LRP1B: variants seen among roughly 807,000 people sequenced by gnomAD.
LRP1B encodes the protein low-density lipoprotein receptor-related protein 1B.
Under a neutral mutation model 556.6 loss-of-function variants are expected in LRP1B, and 217 were observed. That is an observed-to-expected ratio of 0.39 (90% CI 0.35 to 0.44). LRP1B has a LOEUF of 0.44. Ranked by LOEUF, LRP1B falls within the 20% of genes least tolerant of loss-of-function variation. LRP1B has a pLI of 1.00. For synonymous variants in LRP1B, 2,047 were observed against 1,865.8 expected (o/e 1.10, Z -2.50); for missense variants, 5,053 against 5,620.8 (o/e 0.90, Z 3.23).
chr2:140,722,921 T>C (rs1166765938), intron 35 of LRP1B, among the ~76,000 whole-genome samples: 1 of 152,070 alleles, frequency 6.6e-6, no homozygotes, highest in East Asian at 1.9e-4. Context: ...CGGGCGCCTG[T>C]ATTCCCAGCT....
chr2:142,030,918 T>C (rs1574613105), intron 1 of LRP1B, among the ~76,000 whole-genome samples: 1 of 152,092 alleles, frequency 6.6e-6, no homozygotes. Context: ...CAAATGTTCC[T>C]CAGTCCCGTT....
intron 2 of LRP1B, among the ~76,000 whole-genome samples, chr2:141,618,229 A>G (rs446401): frequency 0.74 from 112,576 of 151,910 alleles, 41,836 homozygotes; most frequent in Middle Eastern, 0.8. Flanking sequence ...CCTTTTACAA[A>G]TTGGTGGTGA....
rs761707529 is a variant in LRP1B, at chr2:140,850,192, C to A, written c.4849G>T (p.Glu1617Ter). The change falls in exon 29 of 91, where the codon GAG becomes TAG. Residue 1617 changes from glutamate (E) to a stop codon, truncating the protein, a stop_gained. Coordinates refer to ENST00000389484, the MANE Select transcript of LRP1B (RefSeq NM_018557.3). LOFTEE classifies it high-confidence loss of function. ...ATATCTGTCCAGTATAAACGTTCCT[C>A]AGATGCATCGAAGTCTATCACAGTA... ...DVTVIDFDAS[E>*]ERLYWTDIKT... 6.2e-7 allele frequency: 1 copy of A among 1,613,682 alleles called. No individual in the cohort carries two copies. Among genetic ancestry groups the A allele is most frequent in the Non-Finnish European group, 8.5e-7 (1 of 1,179,664 alleles).
intron 63 of LRP1B, among the ~76,000 whole-genome samples, chr2:140,445,769 G>A (rs1318686809): frequency 1.3e-5 from 2 of 152,028 alleles, no homozygotes; most frequent in East Asian, 3.9e-4. Context: ...TACTGAATAT[G>A]AATAATTCAC....
chr2:141,049,283 T>C (rs896161907), intron 10 of LRP1B, 61 bp from the exon 11 acceptor site: 1 of 1,059,316 alleles, frequency 9.4e-7, no homozygotes, highest in Non-Finnish European at 1.5e-6. Context: ...TTACACTGCA[T>C]AATGCCACCG....
At chr2:140,851,572 T>G in intron 28 of LRP1B, 80 bp downstream of exon 28, 2 of 1,507,632 alleles carry the variant, frequency 1.3e-6, no homozygotes, top group South Asian at 2.5e-5. Context: ...TGCTTTAATA[T>G]GAGTAAAATC....
At chr2:141,524,899 G>T (rs1032246094) in intron 2 of LRP1B, among the ~76,000 whole-genome samples, 4 of 151,942 alleles carry the variant, frequency 2.6e-5, no homozygotes, top group African/African-American at 9.7e-5. Context: ...CCTGATGCAG[G>T]ATATTATTAT....
intron 22 of LRP1B, among the ~76,000 whole-genome samples, chr2:140,903,809 TA>T (rs5834788): frequency 0.13 from 15,791 of 118,568 alleles, 1,130 homozygotes; most frequent in East Asian, 0.34. Context: ...AGCAAAACAC[TA>T]AAAAAAAAAA....
intron 1 of LRP1B, among the ~76,000 whole-genome samples, chr2:141,909,010 A>G (rs1455376469): frequency 1.3e-5 from 2 of 152,066 alleles, no homozygotes; most frequent in Admixed American, 6.6e-5. Flanking sequence ...AGTCCACCCC[A>G]CTTACGTACT....
chr2:140,685,796 G>A (rs34914136), intron 41 of LRP1B, among the ~76,000 whole-genome samples: 23,186 of 152,102 alleles, frequency 0.15, 1,857 homozygotes, highest in South Asian at 0.2. Context: ...TAGAAGAGGT[G>A]CAGAAAAGAC....
In LRP1B at chr2:140,558,092, G is replaced by C. The variant is rs368319073; in HGVS notation, c.7195-16121C>G. Among the ~76,000 whole-genome samples, 85 of 152,216 alleles carry C rather than the reference G, an allele frequency of 5.6e-4. 2 individuals carry two copies. The South Asian group carries it at 0.016, about 28-fold the overall frequency. On this transcript the variant is annotated intron_variant, in intron 43 of 90. Coordinates refer to ENST00000389484, the MANE Select transcript of LRP1B (RefSeq NM_018557.3). ...AATATCACCTCACACGTGTTAAGAT[G>C]GCTATCATGGAAAAGATAATAACAA...
intron 6 of LRP1B, among the ~76,000 whole-genome samples, chr2:141,201,054 G>C (rs1178862386): frequency 2.6e-5 from 4 of 152,084 alleles, no homozygotes; most frequent in Non-Finnish European, 5.9e-5. Flanking sequence ...TGAGAAATAA[G>C]TGTAGAAGGA....
At chr2:141,241,114 G>GA (rs558554824) in intron 5 of LRP1B, among the ~76,000 whole-genome samples, 54 of 152,086 alleles carry the variant, frequency 3.6e-4, no homozygotes, top group African/African-American at 1.3e-3. Context: ...TTTGGAGAGG[G>GA]AAAAAAAGTG....
intron 10 of LRP1B, 51 bp downstream of exon 10, chr2:141,055,065 T>C (rs910090276): frequency 3.8e-6 from 6 of 1,595,116 alleles, no homozygotes; most frequent in Non-Finnish European, 5.1e-6. Context: ...ATACTTAAAA[T>C]CCTATTCTAA....
intron 18 of LRP1B, among the ~76,000 whole-genome samples, chr2:140,969,619 C>G (rs1478902139): frequency 6.6e-6 from 1 of 152,116 alleles, no homozygotes; most frequent in Non-Finnish European, 1.5e-5. Flanking sequence ...TTCCTAGCAT[C>G]GATGGTCTTT....
intron 7 of LRP1B, among the ~76,000 whole-genome samples, chr2:141,127,534 A>C (rs552678676): frequency 1.5e-4 from 23 of 152,294 alleles, no homozygotes; most frequent in African/African-American, 5.3e-4. Context: ...TGTGGCACAT[A>C]TACACCATGG....
intron 3 of LRP1B, among the ~76,000 whole-genome samples, chr2:141,282,633 A>C (rs1277981424): frequency 6.6e-6 from 1 of 151,988 alleles, no homozygotes. Flanking sequence ...TAAATAATTA[A>C]TCAAGCCTTT....
At chr2:140,517,338 G>C (rs562561462) in intron 49 of LRP1B, among the ~76,000 whole-genome samples, 1 of 152,064 alleles carries the variant, frequency 6.6e-6, no homozygotes, top group Non-Finnish European at 1.5e-5. Flanking sequence ...AAATAGATAC[G>C]ACTCTAAATT....
At chr2:140,400,421 A>T (rs369718960) in intron 66 of LRP1B, among the ~76,000 whole-genome samples, 1 of 152,020 alleles carries the variant, frequency 6.6e-6, no homozygotes. Context: ...CTGATAATGT[A>T]CCCTCTATTG....
Sources: gnomAD v4.1 joint callset for allele counts (sites outside exome capture counted in the v4.1 genomes callset) on GRCh38, gnomAD v4.1.1 for gene constraint, MANE v1.5 for transcripts, NCBI Gene and HGNC (gene_info 2026-07-23, HGNC 2026-07-21) for gene names.